Variants in KANSL1L observed in about 807,000 individuals in gnomAD.
KANSL1L encodes the protein KAT8 regulatory NSL complex subunit 1-like protein.
KANSL1L carries 25 observed loss-of-function variants against 108.6 expected under a neutral mutation model. That is an observed-to-expected ratio of 0.23 (90% confidence interval 0.17 to 0.32). KANSL1L has a LOEUF of 0.32. Ranked by LOEUF, KANSL1L falls within the 10% of genes least tolerant of loss-of-function variation. KANSL1L has a pLI of 1.00. For missense variants in KANSL1L, 1,137 were observed against 1,125.7 expected (o/e 1.01, Z -0.14); for synonymous variants, 405 against 395.1 (o/e 1.03, Z -0.30).
chr2:210,101,995 A>C (rs1169271080), intron 4 of KANSL1L, among the ~76,000 whole-genome samples: 1 of 152,196 alleles, frequency 6.6e-6, no homozygotes, highest in African/African-American at 2.4e-5. Context: ...TCCTAGATTC[A>C]GCTTTCTACA....
chr2:210,132,200 C>A (rs190197912), intron 2 of KANSL1L, among the ~76,000 whole-genome samples: 2 of 151,986 alleles, frequency 1.3e-5, no homozygotes, highest in Non-Finnish European at 2.9e-5. Flanking sequence ...CATGTTATAC[C>A]CCAAAGTCAA....
chr2:210,067,199 T>C (rs186871887), intron 6 of KANSL1L, among the ~76,000 whole-genome samples: 38 of 152,240 alleles, frequency 2.5e-4, no homozygotes, highest in Admixed American at 8.5e-4. Context: ...CACCACTGGA[T>C]TTCCTAGTTC....
chr2:210,062,812 A>G (rs1391075264), intron 6 of KANSL1L, among the ~76,000 whole-genome samples: 1 of 152,192 alleles, frequency 6.6e-6, no homozygotes, highest in African/African-American at 2.4e-5. Flanking sequence ...GTTCAGTTTT[A>G]AAAGGGAAAC....
chr2:210,137,741 A>G (rs1382917283), intron 2 of KANSL1L, among the ~76,000 whole-genome samples: 1 of 152,138 alleles, frequency 6.6e-6, no homozygotes. Context: ...TATTAATTCT[A>G]TACATCTGGC....
chr2:210,133,682 T>C (rs1405372925), intron 2 of KANSL1L, among the ~76,000 whole-genome samples: 5 of 152,100 alleles, frequency 3.3e-5, no homozygotes, highest in African/African-American at 1.2e-4. Flanking sequence ...TACAAACATG[T>C]ATAGCCATAC....
In KANSL1L at chr2:210,027,340, C is replaced by T; in HGVS notation, c.2407G>A (p.Val803Ile). The T allele has an allele frequency of 6.2e-7, 1 of 1,612,626 alleles. No homozygotes were observed. The change falls in exon 12 of 15, where the codon GTT (valine) becomes ATT (isoleucine). Residue 803 changes from valine to isoleucine, a missense_variant. Physicochemically the swap from Val to Ile is conservative, Grantham distance 29. Coordinates refer to ENST00000281772, the MANE Select transcript of KANSL1L (RefSeq NM_152519.4). ...KEILTPSWRM[V>I]VLQPLDEYNL... The stretch of plus-strand genomic sequence containing the variant: ...TATTCATCCAAAGGCTGAAGAACAA[C>T]CATCCTCCAGCTGTTGAAGATAAAA...
chr2:210,062,024 T>C (rs972296103), intron 6 of KANSL1L, among the ~76,000 whole-genome samples: 1 of 152,242 alleles, frequency 6.6e-6, no homozygotes, highest in Non-Finnish European at 1.5e-5. Context: ...AAATGGGGTA[T>C]GAATATCAAA....
rs986040687 is a variant in KANSL1L, at chr2:210,151,247, C to T, written c.1088+2248G>A. Among the ~76,000 whole-genome samples the T allele has an allele frequency of 4.7e-4, 71 of 152,122 alleles. 1 individual carries two copies. The highest frequency in any genetic ancestry group is 1.5e-4 in the Non-Finnish European group (10 of 68,024). The stretch of plus-strand genomic sequence containing the variant: ...TGTTGCCCAGGCTGGTCTCGAACTT[C>T]TGGGTTCAAGCAATCTGGCCACCTG... On this transcript the variant is annotated intron_variant, in intron 2 of 14. Transcript: ENST00000281772.
At chr2:210,107,602 C>G (rs1291045250) in intron 3 of KANSL1L, among the ~76,000 whole-genome samples, 1 of 151,294 alleles carries the variant, frequency 6.6e-6, no homozygotes, top group African/African-American at 2.4e-5. Context: ...AATCTTGACT[C>G]ACTGCAAGCT....
At chr2:210,073,525 T>C (rs1265354356) in intron 6 of KANSL1L, among the ~76,000 whole-genome samples, 1 of 142,136 alleles carries the variant, frequency 7.0e-6, no homozygotes, top group Non-Finnish European at 1.5e-5. Context: ...GCGAGATGTC[T>C]AAAAAAAAAA....
intron 5 of KANSL1L, among the ~76,000 whole-genome samples, chr2:210,083,986 T>G (rs191541299): frequency 6.6e-6 from 1 of 152,080 alleles, no homozygotes; most frequent in Non-Finnish European, 1.5e-5. Context: ...AAACAGTTCC[T>G]AGACCATTTC....
chr2:210,166,131 G>A (rs1323463544), intron 1 of KANSL1L, among the ~76,000 whole-genome samples: 2 of 152,042 alleles, frequency 1.3e-5, no homozygotes, highest in Admixed American at 6.6e-5. Context: ...ACAAATAAAA[G>A]GTCTTGCCCT....
intron 2 of KANSL1L, chr2:210,151,287 C>G (rs2095301948): frequency 6.6e-6 from 1 of 152,200 alleles, no homozygotes; most frequent in Admixed American, 6.5e-5. Flanking sequence ...TCCGAAAGTG[C>G]TGGGATTACA....
At chr2:210,124,435 CAGTT>C (rs1392579971) in intron 3 of KANSL1L, among the ~76,000 whole-genome samples, 3 of 151,330 alleles carry the variant, frequency 2.0e-5, no homozygotes, top group South Asian at 4.2e-4. Context: ...AATTAGAAAA[CAGTT>C]AGAAATAAAC....
chr2:210,171,453 G>C (rs1045076729), upstream of KANSL1L: 1 of 155,668 alleles, frequency 6.4e-6, no homozygotes, highest in African/African-American at 2.4e-5. Context: ...GGCAACGGGG[G>C]AGGGGCAGCG....
At chr2:210,156,657 T>C (rs1474518100) in intron 1 of KANSL1L, among the ~76,000 whole-genome samples, 1 of 152,092 alleles carries the variant, frequency 6.6e-6, no homozygotes, top group Non-Finnish European at 1.5e-5. Context: ...GAATAAAAAG[T>C]GAACCAGAAA....
intron 2 of KANSL1L, among the ~76,000 whole-genome samples, chr2:210,150,503 C>G (rs985525124): frequency 6.6e-6 from 1 of 152,124 alleles, no homozygotes; most frequent in African/African-American, 2.4e-5. Context: ...AGAAAGTTGG[C>G]TGGGTGCGGT....
At chr2:210,157,691 G>GAAAAAAAAAAAAAAAAA (rs56676129) in intron 1 of KANSL1L, among the ~76,000 whole-genome samples, 1 of 47,214 alleles carries the variant, frequency 2.1e-5, no homozygotes, top group East Asian at 1.3e-3. Context: ...CACTGTCACA[G>GAAAAAAAAAAAAAAAAA]AAAAAAAAAA....
chr2:210,094,076 G>T (rs1337065677), intron 5 of KANSL1L, among the ~76,000 whole-genome samples: 1 of 152,096 alleles, frequency 6.6e-6, no homozygotes, highest in Admixed American at 6.6e-5. Context: ...GGGAAGTATT[G>T]TTTAGTGGAT....
Sources: allele counts gnomAD v4.1 joint callset (sites outside exome capture counted in the v4.1 genomes callset), GRCh38; gene constraint gnomAD v4.1.1; transcripts MANE v1.5; gene names NCBI Gene and HGNC (gene_info 2026-07-23, HGNC 2026-07-21).